WWOX: variants seen among roughly 807,000 people sequenced by gnomAD.
The protein encoded by WWOX is WW domain containing oxidoreductase.
WWOX carries 69 observed loss-of-function variants against 46.2 expected under a neutral mutation model. The observed-to-expected ratio is 1.49, with a 90% CI of 1.23 to 1.82. The LOEUF (loss-of-function observed/expected upper bound fraction) is 1.82. WWOX is among the 40% of genes most tolerant of loss of function. The pLI is 0.00. For synonymous variants in WWOX, 359 were observed against 202.6 expected, an observed-to-expected ratio of 1.77 and a Z score of -6.56; for missense variants, 919 against 542.6, an observed-to-expected ratio of 1.69 and a Z score of -6.89.
At chr16:78,943,426 C>T (rs535283962) in intron 8 of WWOX, among the ~76,000 whole-genome samples, 1 of 151,612 alleles carries the variant, frequency 6.6e-6, no homozygotes, top group African/African-American at 2.4e-5. Context: ...CCCATCCAGA[C>T]CTGGAGAACT....
chr16:78,409,378 C>A (rs1420754569), intron 6 of WWOX, among the ~76,000 whole-genome samples: 2 of 152,144 alleles, frequency 1.3e-5, no homozygotes, highest in Non-Finnish European at 2.9e-5. Context: ...ATACCTGCTC[C>A]TGACACCTAG....
intron 8 of WWOX, among the ~76,000 whole-genome samples, chr16:79,155,878 G>A (rs147742919): frequency 4.1e-4 from 62 of 151,088 alleles, no homozygotes; most frequent in Non-Finnish European, 7.8e-4. Context: ...GAAAGGGAGG[G>A]AGGAGGAATT....
chr16:78,234,157 A>T (rs969212297), intron 5 of WWOX, among the ~76,000 whole-genome samples: 1 of 151,904 alleles, frequency 6.6e-6, no homozygotes, highest in Non-Finnish European at 1.5e-5. Flanking sequence ...GAATAAATTC[A>T]CTGTGTACAT....
At chr16:78,953,037 T>C (rs996125622) in intron 8 of WWOX, among the ~76,000 whole-genome samples, 3 of 152,028 alleles carry the variant, frequency 2.0e-5, no homozygotes, top group Non-Finnish European at 4.4e-5. Flanking sequence ...TTTTTTTTTT[T>C]TCCAGTTGTT....
chr16:78,395,799 T>G (rs2082272077), intron 6 of WWOX, among the ~76,000 whole-genome samples: 1 of 152,220 alleles, frequency 6.6e-6, no homozygotes, highest in Non-Finnish European at 1.5e-5. Flanking sequence ...CTTTTGTTAT[T>G]CTTGATTTAT....
chr16:78,520,893 A>T (rs1037373584), intron 8 of WWOX, among the ~76,000 whole-genome samples: 1 of 152,150 alleles, frequency 6.6e-6, no homozygotes, highest in Non-Finnish European at 1.5e-5. Context: ...ACATTTTGCC[A>T]TGGTGTTAAC....
At chr16:78,617,054 A>G (rs12935656) in intron 8 of WWOX, among the ~76,000 whole-genome samples, 6,469 of 152,304 alleles carry the variant, frequency 0.042, 224 homozygotes, top group Middle Eastern at 0.071. Flanking sequence ...TAACATGCAC[A>G]TGGCCAGAAA....
intron 6 of WWOX, among the ~76,000 whole-genome samples, chr16:78,408,726 T>A (rs1377279104): frequency 6.6e-6 from 1 of 152,174 alleles, no homozygotes; most frequent in African/African-American, 2.4e-5. Flanking sequence ...TACAGCTAAT[T>A]TGCAGATAAA....
At chr16:78,777,026 T>C (rs2050208222) in intron 8 of WWOX, among the ~76,000 whole-genome samples, 1 of 152,180 alleles carries the variant, frequency 6.6e-6, no homozygotes, top group Admixed American at 6.5e-5. Flanking sequence ...TATATGTGTT[T>C]TCAGATTTTG....
rs770401893 is a variant in WWOX, at chr16:78,843,396, C to G, written c.1057-368212C>G. On this transcript the variant is annotated intron_variant, in intron 8 of 8. Transcript: ENST00000566780. ...TGTGGTGCCTGTTTTGTTGACTTAA[C>G]AAAGCCAATCGCCCATTCCTATGCT... Among the ~76,000 whole-genome samples the G allele has an allele frequency of 2.0e-5, 3 of 150,034 alleles. 1 individual carries two copies. The highest frequency in any genetic ancestry group is 4.5e-5 in the Non-Finnish European group (3 of 67,052).
Position 79,212,113 on chromosome 16 carries a change from T to A in WWOX, c.*317T>A, listed in dbSNP as rs971731764. On this transcript the variant is annotated 3_prime_UTR_variant, in exon 9 of 9. Coordinates refer to ENST00000566780, the MANE Select transcript of WWOX (RefSeq NM_016373.4). Reference sequence around the variant, plus strand: ...AGAAGCACCAGCAATTCTCTTTCTTTTACTGTTATAGAATAGCCTGAGGTC... The same window carrying A: ...AGAAGCACCAGCAATTCTCTTTCTTATACTGTTATAGAATAGCCTGAGGTC... The A allele has an allele frequency of 8.5e-6, 13 of 1,535,636 alleles. No homozygotes were observed. The highest frequency in any genetic ancestry group is 1.0e-5 in the Non-Finnish European group (12 of 1,146,740).
intron 4 of WWOX, among the ~76,000 whole-genome samples, chr16:78,155,570 T>C (rs930092572): frequency 6.6e-6 from 1 of 152,238 alleles, no homozygotes; most frequent in Non-Finnish European, 1.5e-5. Flanking sequence ...TGCTGTTCAT[T>C]GCTTTAAAAC....
At chr16:78,777,591 C>T (rs760537000) in intron 8 of WWOX, among the ~76,000 whole-genome samples, 8 of 152,072 alleles carry the variant, frequency 5.3e-5, no homozygotes, top group Non-Finnish European at 1.0e-4. Context: ...AGCATTAACA[C>T]AGAGACATGT....
intron 5 of WWOX, among the ~76,000 whole-genome samples, chr16:78,279,281 GA>G (rs529455931): frequency 6.6e-6 from 1 of 151,988 alleles, no homozygotes; most frequent in Non-Finnish European, 1.5e-5. Flanking sequence ...TGTGTAGGGG[GA>G]CACCTCCCTC....
At chr16:79,102,669 A>G (rs1395479032) in intron 8 of WWOX, among the ~76,000 whole-genome samples, 1 of 152,328 alleles carries the variant, frequency 6.6e-6, no homozygotes, top group East Asian at 1.9e-4. Context: ...AGCCAGGCAT[A>G]TAATAGCCAC....
chr16:78,460,056 C>T (rs961310688), intron 8 of WWOX, among the ~76,000 whole-genome samples: 1 of 152,040 alleles, frequency 6.6e-6, no homozygotes, highest in African/African-American at 2.4e-5. Context: ...ATCCGCCCAC[C>T]TCGGCCTCCC....
chr16:78,509,443 A>G (rs2151484535), intron 8 of WWOX, among the ~76,000 whole-genome samples: 1 of 152,002 alleles, frequency 6.6e-6, no homozygotes, highest in East Asian at 1.9e-4. Context: ...AGTCTCAAAA[A>G]AAAAAAAATA....
chr16:78,592,530 G>C (rs2045375679), intron 8 of WWOX, among the ~76,000 whole-genome samples: 1 of 152,186 alleles, frequency 6.6e-6, no homozygotes, highest in Non-Finnish European at 1.5e-5. Flanking sequence ...TGAAGCAAGA[G>C]GAAGAAGACA....
chr16:78,867,496 G>A (rs2044030141), intron 8 of WWOX, among the ~76,000 whole-genome samples: 1 of 151,440 alleles, frequency 6.6e-6, no homozygotes, highest in South Asian at 2.1e-4. Context: ...GTGTGTGTGT[G>A]TGTGTGTGTG....
Sources: gnomAD v4.1 joint callset for allele counts (sites outside exome capture counted in the v4.1 genomes callset) on GRCh38, gnomAD v4.1.1 for gene constraint, MANE v1.5 for transcripts, NCBI Gene and HGNC (gene_info 2026-07-23, HGNC 2026-07-21) for gene names.